Variants in PTPRN2 observed in about 807,000 individuals in gnomAD.
PTPRN2 encodes protein tyrosine phosphatase receptor type N2, also known as receptor-type tyrosine-protein phosphatase N2.
A neutral mutation model predicts 118.8 loss-of-function variants in PTPRN2; 74 were observed. That is an observed-to-expected ratio of 0.62 (90% CI 0.52 to 0.76). The LOEUF (loss-of-function observed/expected upper bound fraction) is 0.76, where lower values mean the gene tolerates loss of function less well. PTPRN2 is among the 30% of genes least tolerant of loss of function. The probability of loss-of-function intolerance (pLI) is 0.00; values close to 1 mark genes in which losing one functional copy is unlikely to be tolerated. For synonymous variants in PTPRN2, 641 were observed against 608.0 expected (o/e 1.05, Z -0.80); for missense variants, 1,481 against 1,394.4 (o/e 1.06, Z -0.99).
chr7:157,644,667 C>T (rs567361186), intron 14 of PTPRN2, among the ~76,000 whole-genome samples: 17 of 152,180 alleles, frequency 1.1e-4, no homozygotes, highest in African/African-American at 2.9e-4. Flanking sequence ...TGGTGGCTAA[C>T]GCCTATAATT....
chr7:158,339,245 G>C (rs1321430610), intron 2 of PTPRN2, among the ~76,000 whole-genome samples: 1 of 7,448 alleles, frequency 1.3e-4, no homozygotes, highest in Non-Finnish European at 2.6e-4. Flanking sequence ...ACCATAAGAG[G>C]TGACACCTGC....
rs867536631 is a variant in PTPRN2 at position 158,329,555 on chromosome 7, G to C, written c.164-12623C>G. The stretch of plus-strand genomic sequence containing the variant: ...GAGGCACCGTCGATGAGCCAGGAGG[G>C]GACTCGCCAGACACCAGACGTCAAC... On this transcript the variant is annotated intron_variant, in intron 2 of 22. Transcript: ENST00000389418. Among the ~76,000 whole-genome samples, 3 of 152,158 alleles carry C rather than the reference G, an allele frequency of 2.0e-5. No homozygotes were observed. In the East Asian group the frequency reaches 5.8e-4, roughly 29 times the overall value.
chr7:158,510,990 G>A (rs1823138955), intron 1 of PTPRN2, among the ~76,000 whole-genome samples: 1 of 152,260 alleles, frequency 6.6e-6, no homozygotes, highest in Admixed American at 6.5e-5. Context: ...CATGGGGTTG[G>A]CAAAGAACCT....
chr7:158,395,243 C>A (rs1253197650), intron 2 of PTPRN2, among the ~76,000 whole-genome samples: 5 of 149,174 alleles, frequency 3.4e-5, no homozygotes, highest in African/African-American at 1.2e-4. Flanking sequence ...GACCTGAATC[C>A]CCCGTGCGGG....
At position 157,874,877 on chromosome 7, in the gene PTPRN2, A is replaced by G. The variant is rs1224307498; in HGVS notation, c.1788+23796T>C. On this transcript the variant is annotated intron_variant, in intron 12 of 22. Transcript: ENST00000389418. The surrounding 1 kb of genome is among the most constrained non-coding windows in gnomAD (Gnocchi z 5.8). ...CACGGAGACACACTCGTGCACATAC[A>G]CACACGGAGACACACTCGTGCACAT... Among the ~76,000 whole-genome samples, 1 of 151,228 alleles carries G rather than the reference A, an allele frequency of 6.6e-6. No homozygotes were observed. Among genetic ancestry groups the G allele is most frequent in the African/African-American group, 2.4e-5 (1 of 41,308 alleles).
At chr7:158,271,573 G>C (rs1242498087) in intron 3 of PTPRN2, among the ~76,000 whole-genome samples, 1 of 152,140 alleles carries the variant, frequency 6.6e-6, no homozygotes, top group African/African-American at 2.4e-5. Context: ...GACACTGCTG[G>C]CTTTTAGTTT....
chr7:158,151,435 A>G (rs1484552916), intron 6 of PTPRN2, among the ~76,000 whole-genome samples: 8 of 139,736 alleles, frequency 5.7e-5, no homozygotes, highest in African/African-American at 2.2e-4. Context: ...CCGCCTTTCT[A>G]TTCCTGCCTC....
chr7:157,692,491 C>T (rs1019142244), intron 12 of PTPRN2, among the ~76,000 whole-genome samples: 2 of 152,220 alleles, frequency 1.3e-5, no homozygotes, highest in Non-Finnish European at 2.9e-5. Flanking sequence ...GATATGAGTA[C>T]GGTGCCGTCC....
At chr7:158,273,014 G>A (rs1798616987) in intron 3 of PTPRN2, among the ~76,000 whole-genome samples, 1 of 152,206 alleles carries the variant, frequency 6.6e-6, no homozygotes, top group African/African-American at 2.4e-5. Context: ...AAGTGGCCAT[G>A]GGCCTCCAAA....
chr7:158,428,313 G>A (rs1224976430), intron 2 of PTPRN2, among the ~76,000 whole-genome samples: 12 of 152,158 alleles, frequency 7.9e-5, no homozygotes, highest in African/African-American at 2.7e-4. Context: ...CCAAGACAAG[G>A]GGCCTGCTCT....
chr7:158,320,721 G>A (rs915240036), intron 2 of PTPRN2, among the ~76,000 whole-genome samples: 16 of 152,178 alleles, frequency 1.1e-4, no homozygotes, highest in African/African-American at 3.9e-4. Flanking sequence ...CGTATTTAAA[G>A]GACTTCATGA....
intron 3 of PTPRN2, among the ~76,000 whole-genome samples, chr7:158,282,367 A>G (rs1429257778): frequency 6.6e-6 from 1 of 152,256 alleles, no homozygotes; most frequent in East Asian, 1.9e-4. Context: ...CTTTGACTAC[A>G]CAATGTGGGA....
At chr7:157,559,651 C>T (rs185689201) in intron 21 of PTPRN2, among the ~76,000 whole-genome samples, 7 of 152,248 alleles carry the variant, frequency 4.6e-5, no homozygotes, top group South Asian at 2.1e-4. Flanking sequence ...CAGGCAAGTG[C>T]GCAGGCCGGG....
At chr7:157,566,345 G>A (rs1326351328) in intron 21 of PTPRN2, among the ~76,000 whole-genome samples, 2 of 152,238 alleles carry the variant, frequency 1.3e-5, no homozygotes, top group East Asian at 3.9e-4. Flanking sequence ...GGTCTGCAGT[G>A]GGGGCCTCCA....
At chr7:158,440,796 GGTAGTGGTGATGGTGGTAGTAGTA>G (rs1563294445) in intron 2 of PTPRN2, among the ~76,000 whole-genome samples, 2 of 133,360 alleles carry the variant, frequency 1.5e-5, no homozygotes. Context: ...TGATGGGGGT[GGTAGTGGTGATGGTGGTAGTAGTA>G]GTGGTGGTGG....
intron 2 of PTPRN2, among the ~76,000 whole-genome samples, chr7:158,397,873 CGGCCTG>C (rs1563243751): frequency 8.7e-6 from 1 of 114,928 alleles, no homozygotes; most frequent in African/African-American, 2.9e-5. Context: ...CAGGGTGCCA[CGGCCTG>C]ACAGTAACAA....
intron 6 of PTPRN2, among the ~76,000 whole-genome samples, chr7:158,147,580 C>T (rs1477770902): frequency 2.2e-5 from 3 of 134,340 alleles, no homozygotes; most frequent in Non-Finnish European, 1.6e-5. Context: ...CCATCTCACG[C>T]CACGTGTCTT....
chr7:158,284,819 ATG>A (rs1314331870), intron 3 of PTPRN2, among the ~76,000 whole-genome samples: 7 of 152,206 alleles, frequency 4.6e-5, no homozygotes, highest in Admixed American at 2.0e-4. Flanking sequence ...TCTACTACAT[ATG>A]TGTATCTACC....
rs780386104 is a variant in PTPRN2 at position 157,729,810 on chromosome 7, C to T, written c.1789-46873G>A. Among the ~76,000 whole-genome samples the T allele has an allele frequency of 3.3e-5, 5 of 152,112 alleles. No homozygotes were observed. The highest frequency in any genetic ancestry group is 5.9e-5 in the Non-Finnish European group (4 of 68,018). ...ACCCATAAGGGCCACCTGCTGGCCA[C>T]GTGGAGGACGGGGAGCGGCAGGCGG... is the stretch of plus-strand genomic sequence containing the variant. On this transcript the variant is annotated intron_variant, in intron 12 of 22. Coordinates refer to ENST00000389418, the MANE Select transcript of PTPRN2 (RefSeq NM_002847.5). The surrounding 1 kb of genome is among the most constrained non-coding windows in gnomAD (Gnocchi z 4.3).
Sources: allele counts gnomAD v4.1 joint callset (sites outside exome capture counted in the v4.1 genomes callset), GRCh38; gene constraint gnomAD v4.1.1; non-coding constraint Gnocchi (gnomAD v3.1); transcripts MANE v1.5; gene names NCBI Gene and HGNC (gene_info 2026-07-23, HGNC 2026-07-21).